NWD1: variants seen among roughly 807,000 people sequenced by gnomAD.
The protein encoded by NWD1 is NACHT and WD repeat domain containing 1.
In NWD1, 129 loss-of-function variants were observed where a neutral mutation model predicts 135.1. The ratio of observed to expected loss-of-function variants is 0.96; its 90% CI spans 0.83 to 1.11. NWD1 has a LOEUF of 1.11. NWD1 is among the 50% of genes least tolerant of loss of function. NWD1 has a pLI of 0.00. For missense variants in NWD1, 1,740 were observed against 1,851.3 expected, an observed-to-expected ratio of 0.94 and a Z score of 1.10; for synonymous variants, 773 against 786.0, an observed-to-expected ratio of 0.98 and a Z score of 0.28.
At chr19:16,748,340 C>T (rs1040697966) in intron 5 of NWD1, among the ~76,000 whole-genome samples, 1 of 152,066 alleles carries the variant, frequency 6.6e-6, no homozygotes, top group African/African-American at 2.4e-5. Flanking sequence ...GGTGCTGTTA[C>T]AAGCTAGGGT....
intron 8 of NWD1, among the ~76,000 whole-genome samples, chr19:16,762,695 T>G (rs192185777): frequency 6.6e-6 from 1 of 152,354 alleles, no homozygotes; most frequent in East Asian, 1.9e-4. Flanking sequence ...TTTCTTTTTC[T>G]CTGTCTTCCC....
rs756526921 is a variant in NWD1 at position 16,815,127 on chromosome 19, G to A, written c.*88G>A. 8 of 1,371,364 alleles carry A rather than the reference G, an allele frequency of 5.8e-6. No individual in the cohort carries two copies. Among genetic ancestry groups the A allele is most frequent in the South Asian group, 3.5e-5 (3 of 86,212 alleles). The allele number at this position is 1,371,364 out of a possible 1,614,324, so 84.9% of individuals were successfully genotyped here. The stretch of plus-strand genomic sequence containing the variant: ...CCCACCAGGCATGGTTATCTGATCC[G>A]AGAGAATTTCCAGTGCCTTTCAGCA... On this transcript the variant is annotated 3_prime_UTR_variant, in exon 19 of 19. Transcript: ENST00000524140.
At chr19:16,781,602 C>T (rs975225484) in intron 12 of NWD1, among the ~76,000 whole-genome samples, 2 of 151,256 alleles carry the variant, frequency 1.3e-5, no homozygotes, top group South Asian at 2.1e-4. Context: ...TGCAACACAG[C>T]GAGACCCTAT....
At chr19:16,782,461 G>A (rs1269805704) in intron 12 of NWD1, among the ~76,000 whole-genome samples, 1 of 151,774 alleles carries the variant, frequency 6.6e-6, no homozygotes, top group Middle Eastern at 3.2e-3. Flanking sequence ...GTGAGACCTT[G>A]TTTCCAAAAA....
chr19:16,730,587 C>A (rs759241873), intron 2 of NWD1, among the ~76,000 whole-genome samples: 3 of 151,972 alleles, frequency 2.0e-5, no homozygotes, highest in Non-Finnish European at 4.4e-5. Flanking sequence ...TGTGGTGGTG[C>A]CCCTCTATAA....
rs940518577 is a variant in NWD1 at position 16,744,727 on chromosome 19, G to T, written c.496+9G>T. ...GCACTACCACCGGTCAGGTGAGGCC[G>T]CAGGGACTCCCCTCTGGAGACCCAC... On this transcript the variant is annotated intron_variant, in intron 5 of 18. Transcript: ENST00000524140. 10 of 1,533,716 alleles carry T rather than the reference G, an allele frequency of 6.5e-6. No homozygotes were observed. Among genetic ancestry groups the T allele is most frequent in the Non-Finnish European group, 8.7e-6 (10 of 1,144,946 alleles).
intron 6 of NWD1, among the ~76,000 whole-genome samples, chr19:16,756,724 T>A (rs912434278): frequency 6.6e-6 from 1 of 152,114 alleles, no homozygotes; most frequent in Admixed American, 6.6e-5. Flanking sequence ...CATCCCCCAG[T>A]ACCGGTACTG....
intron 5 of NWD1, chr19:16,745,163 A>G (rs1281554235): frequency 2.8e-5 from 12 of 427,626 alleles, no homozygotes; most frequent in Non-Finnish European, 2.3e-5. Context: ...ACAGAGTGAG[A>G]GCCAAGCGAA....
intron 5 of NWD1, chr19:16,745,088 C>A (rs1238222275): frequency 4.2e-6 from 2 of 472,404 alleles, no homozygotes; most frequent in Non-Finnish European, 8.4e-6. Flanking sequence ...GCTGGGGAGG[C>A]CTCACAATCA....
At chr19:16,786,822 G>T (rs1048777105) in intron 12 of NWD1, among the ~76,000 whole-genome samples, 5 of 152,166 alleles carry the variant, frequency 3.3e-5, no homozygotes, top group Non-Finnish European at 7.3e-5. Flanking sequence ...AACGTGCTGG[G>T]ATTACAGGCA....
chr19:16,778,410 C>T (rs1450342567), intron 11 of NWD1, among the ~76,000 whole-genome samples: 1 of 152,010 alleles, frequency 6.6e-6, no homozygotes, highest in Non-Finnish European at 1.5e-5. Context: ...ACCAGTTGAA[C>T]TCAGAGATGT....
At chr19:16,737,201 A>G (rs1487025530) in intron 4 of NWD1, among the ~76,000 whole-genome samples, 1 of 152,150 alleles carries the variant, frequency 6.6e-6, no homozygotes, top group Non-Finnish European at 1.5e-5. Flanking sequence ...CTTCTATCAA[A>G]AAATCAATCT....
chr19:16,800,626 C>A (rs1243098860), intron 17 of NWD1, among the ~76,000 whole-genome samples: 1 of 152,108 alleles, frequency 6.6e-6, no homozygotes, highest in Admixed American at 6.6e-5. Flanking sequence ...AGTTCCAGAT[C>A]AAAGTGCAAG....
At chr19:16,806,133 A>T (rs1970738952) in intron 17 of NWD1, among the ~76,000 whole-genome samples, 1 of 152,254 alleles carries the variant, frequency 6.6e-6, no homozygotes, top group African/African-American at 2.4e-5. Flanking sequence ...TCGGCCTCCC[A>T]AAGTGCTTGG....
intron 3 of NWD1, among the ~76,000 whole-genome samples, chr19:16,734,021 C>A (rs2122713272): frequency 6.6e-6 from 1 of 152,168 alleles, no homozygotes; most frequent in East Asian, 1.9e-4. Flanking sequence ...CTCCCTGTCA[C>A]CCCAGCCTTC....
chr19:16,762,266 C>A lies in NWD1; in HGVS notation c.2133+128C>A. 8.4e-6 allele frequency: 6 copies of A among 713,738 alleles called. No individual in the cohort carries two copies. The South Asian group carries it at 1.1e-4, about 13-fold the overall frequency. The allele number at this position is 713,738 out of a possible 1,614,324, so 44.2% of individuals were successfully genotyped here. A position where few individuals can be genotyped will look rare whatever the true frequency, so the allele number is the denominator to read the frequency against. On this transcript the variant is annotated intron_variant, in intron 8 of 18. Transcript: ENST00000524140. ...CTACTTCTCCTTTCCGCACAGAGGG[C>A]AAGATGTCCCTTCTACTGTCCCCCC...
chr19:16,797,015 C>T (rs1568388064), intron 15 of NWD1, among the ~76,000 whole-genome samples: 1 of 151,810 alleles, frequency 6.6e-6, no homozygotes, highest in African/African-American at 2.4e-5. Flanking sequence ...CTGGTATCTA[C>T]TAAAAAATAC....
chr19:16,758,379 T>C (rs1968876708), intron 6 of NWD1, among the ~76,000 whole-genome samples: 1 of 152,118 alleles, frequency 6.6e-6, no homozygotes, highest in African/African-American at 2.4e-5. Flanking sequence ...TGGGCTCAAG[T>C]GATCCTCCCA....
intron 12 of NWD1, 149 bp downstream of exon 12, chr19:16,779,614 C>A: frequency 1.4e-6 from 1 of 705,512 alleles, no homozygotes. Flanking sequence ...GAACCATCCC[C>A]AAACACAGTA....
Sources: gnomAD v4.1 joint callset for allele counts (sites outside exome capture counted in the v4.1 genomes callset) on GRCh38, gnomAD v4.1.1 for gene constraint, MANE v1.5 for transcripts, NCBI Gene and HGNC (gene_info 2026-07-23, HGNC 2026-07-21) for gene names.